CNTN5: variants seen among roughly 807,000 people sequenced by gnomAD.
CNTN5 encodes contactin-5.
In CNTN5, 77 loss-of-function variants were observed where a neutral mutation model predicts 129.1. The ratio of observed to expected loss-of-function variants is 0.60; its 90% CI spans 0.50 to 0.72. The LOEUF is 0.72. CNTN5 is among the 30% of genes least tolerant of loss of function. The probability of loss-of-function intolerance (pLI) is 0.00; values close to 1 mark genes in which losing one functional copy is unlikely to be tolerated. For missense variants in CNTN5, 1,478 were observed against 1,328.8 expected, an observed-to-expected ratio of 1.11 and a Z score of -1.75; for synonymous variants, 509 against 465.6, an observed-to-expected ratio of 1.09 and a Z score of -1.20.
intron 1 of CNTN5, among the ~76,000 whole-genome samples, chr11:99,191,982 C>T (rs1858666632): frequency 6.6e-6 from 1 of 151,272 alleles, no homozygotes; most frequent in African/African-American, 2.4e-5. Context: ...GAAACAGAAA[C>T]TATAAAAATA....
intron 6 of CNTN5, among the ~76,000 whole-genome samples, chr11:99,896,768 A>G (rs1949217926): frequency 6.6e-6 from 1 of 152,182 alleles, no homozygotes; most frequent in Non-Finnish European, 1.5e-5. Flanking sequence ...GGGAGGTTCA[A>G]GCACACAACA....
intron 1 of CNTN5, among the ~76,000 whole-genome samples, chr11:99,029,212 C>T (rs1004790955): frequency 1.3e-5 from 2 of 149,344 alleles, no homozygotes; most frequent in Admixed American, 1.3e-4. Flanking sequence ...ATCTGTCTAC[C>T]CAAATATTCT....
chr11:99,699,374 T>C (rs1954417396), intron 3 of CNTN5, among the ~76,000 whole-genome samples: 1 of 151,536 alleles, frequency 6.6e-6, no homozygotes, highest in Non-Finnish European at 1.5e-5. Flanking sequence ...TTTGAGTTTT[T>C]ATCACTCTTT....
chr11:99,900,045 A>G (rs1331116634), intron 6 of CNTN5, among the ~76,000 whole-genome samples: 2 of 151,828 alleles, frequency 1.3e-5, no homozygotes, highest in East Asian at 3.9e-4. Flanking sequence ...TAGTCTCTGT[A>G]TCGGTTGTGA....
At chr11:99,703,226 GGT>G (rs148620097) in intron 3 of CNTN5, among the ~76,000 whole-genome samples, 439 of 134,994 alleles carry the variant, frequency 3.3e-3, no homozygotes, top group African/African-American at 9.5e-3. Context: ...AGGTATTTGG[GGT>G]TTTTTTTTTT....
At chr11:100,320,798 A>T (rs1951675805) in intron 21 of CNTN5, among the ~76,000 whole-genome samples, 2 of 152,170 alleles carry the variant, frequency 1.3e-5, no homozygotes, top group Admixed American at 1.3e-4. Flanking sequence ...TTGCAGAACC[A>T]TTTATTAAAG....
Position 99,844,924 on chromosome 11 carries a change from A to G in CNTN5, c.350A>G (p.Lys117Arg). 6 of 1,613,846 alleles carry G rather than the reference A, an allele frequency of 3.7e-6. No homozygotes were observed. Among genetic ancestry groups the G allele is most frequent in the Non-Finnish European group, 5.1e-6 (6 of 1,179,790 alleles). ...DIIFPTDSDE[K>R]KVALNCEVRG... ...ATTTTTCCAACTGATTCTGATGAAA[A>G]GAAGGTAGCATTGAATTGTGAAGTT... The change falls in exon 5 of 25, where the codon AAG becomes AGG. Residue 117 changes from lysine to arginine, a missense_variant. Lys to Arg is a conservative substitution (Grantham distance 26). Transcript: ENST00000524871.
chr11:100,226,034 T>C (rs1027169121), intron 16 of CNTN5, among the ~76,000 whole-genome samples: 2 of 152,104 alleles, frequency 1.3e-5, no homozygotes. Flanking sequence ...TTTGTGTGTT[T>C]CTGTTCAGAA....
chr11:99,112,735 G>A (rs1857856546), intron 1 of CNTN5, among the ~76,000 whole-genome samples: 1 of 151,950 alleles, frequency 6.6e-6, no homozygotes, highest in South Asian at 2.1e-4. Context: ...AGCACTGAAT[G>A]CTGGCTTATT....
At chr11:100,044,452 T>A (rs547768117) in intron 9 of CNTN5, among the ~76,000 whole-genome samples, 29 of 152,078 alleles carry the variant, frequency 1.9e-4, no homozygotes, top group Admixed American at 3.3e-4. Context: ...TTCTACCAAC[T>A]GTGTATAAGC....
chr11:99,400,878 G>A lies in CNTN5; in HGVS notation c.-71+75394G>A, dbSNP rs1041339178. On this transcript the variant is annotated intron_variant, in intron 2 of 24. Coordinates refer to ENST00000524871, the MANE Select transcript of CNTN5 (RefSeq NM_014361.4). ...GTTGCTTTGCCATTTTTATGTATTCGTTTGAGAAATGTATATTCAAATGTT... is the reference window on the plus strand; with the variant it reads ...GTTGCTTTGCCATTTTTATGTATTCATTTGAGAAATGTATATTCAAATGTT... Among the ~76,000 whole-genome samples, 7 of 152,014 alleles carry A rather than the reference G, an allele frequency of 4.6e-5. No homozygotes were observed. The East Asian group carries it at 5.8e-4, about 13-fold the overall frequency.
intron 3 of CNTN5, among the ~76,000 whole-genome samples, chr11:99,793,671 A>C (rs960313336): frequency 5.3e-5 from 8 of 152,084 alleles, no homozygotes; most frequent in Non-Finnish European, 1.0e-4. Context: ...TCTTAATTTC[A>C]TCATTTGCCC....
chr11:99,807,775 G>T (rs1266261327), intron 3 of CNTN5, among the ~76,000 whole-genome samples: 1 of 152,116 alleles, frequency 6.6e-6, no homozygotes. Context: ...GTCTCTGTTG[G>T]CATATCTCTC....
At chr11:99,640,193 C>T (rs1460439766) in intron 3 of CNTN5, among the ~76,000 whole-genome samples, 1 of 152,212 alleles carries the variant, frequency 6.6e-6, no homozygotes, top group Non-Finnish European at 1.5e-5. Flanking sequence ...CTGCCTGTCA[C>T]CCATTTCCAA....
intron 1 of CNTN5, among the ~76,000 whole-genome samples, chr11:99,276,990 A>G (rs1407988483): frequency 7.3e-5 from 11 of 151,620 alleles, no homozygotes; most frequent in Non-Finnish European, 1.6e-4. Context: ...TTAAAAAACA[A>G]CTCTACTCAT....
At chr11:99,815,884 T>A (rs1196487098) in intron 3 of CNTN5, among the ~76,000 whole-genome samples, 1 of 152,200 alleles carries the variant, frequency 6.6e-6, no homozygotes, top group African/African-American at 2.4e-5. Flanking sequence ...CTTCAATACT[T>A]AAAATAGACT....
At chr11:99,786,465 G>A (rs1253601438) in intron 3 of CNTN5, among the ~76,000 whole-genome samples, 1 of 152,054 alleles carries the variant, frequency 6.6e-6, no homozygotes, top group Non-Finnish European at 1.5e-5. Flanking sequence ...TTCCCATCAA[G>A]CTACCATGTA....
rs1184641596 is a variant in CNTN5, at chr11:99,561,118, A to T, written c.55+4849A>T. On this transcript the variant is annotated intron_variant, in intron 3 of 24. Transcript: ENST00000524871. ...GCCTAATTCTAGGACTGGGCCAAGA[A>T]ATATATAAATCATTCTAGAGTATCC... Among the ~76,000 whole-genome samples the T allele has an allele frequency of 1.3e-5, 2 of 152,158 alleles. 1 individual carries two copies. The highest frequency in any genetic ancestry group is 2.9e-5 in the Non-Finnish European group (2 of 68,032).
intron 2 of CNTN5, among the ~76,000 whole-genome samples, chr11:99,457,743 T>C (rs1164295308): frequency 6.6e-6 from 1 of 151,778 alleles, no homozygotes; most frequent in African/African-American, 2.4e-5. Context: ...TGTTATATTA[T>C]TTTTATAAAT....
Sources: allele counts gnomAD v4.1 joint callset (sites outside exome capture counted in the v4.1 genomes callset), GRCh38; gene constraint gnomAD v4.1.1; transcripts MANE v1.5; gene names NCBI Gene and HGNC (gene_info 2026-07-23, HGNC 2026-07-21).